GABBR2: variants seen among roughly 807,000 people sequenced by gnomAD.
GABBR2 encodes G-protein coupled receptor 51.
A neutral mutation model predicts 105.6 loss-of-function variants in GABBR2; 23 were observed. The observed-to-expected ratio is 0.22, with a 90% confidence interval of 0.16 to 0.31. The LOEUF is 0.31. GABBR2 is among the 10% of genes least tolerant of loss of function. GABBR2 has a pLI of 1.00. For synonymous variants in GABBR2, 478 were observed against 499.7 expected (o/e 0.96, Z 0.58); for missense variants, 734 against 1,245.5 (o/e 0.59, Z 6.18).
Position 98,677,743 on chromosome 9 carries a change from C to T in GABBR2, c.321+30674G>A, listed in dbSNP as rs368410589. ...GTCCTACGGGCCCTCTTATTGTTCT[C>T]AAACTCCTCAAGTACACTAGCCTCA... On this transcript the variant is annotated intron_variant, in intron 1 of 18. Transcript: ENST00000259455. Among the ~76,000 whole-genome samples the T allele has an allele frequency of 1.4e-3, 217 of 152,206 alleles. 1 individual carries two copies. Among genetic ancestry groups the T allele is most frequent in the African/African-American group, 5.1e-3 (212 of 41,522 alleles).
intron 1 of GABBR2, among the ~76,000 whole-genome samples, chr9:98,589,065 C>T (rs1161575021): frequency 1.3e-5 from 2 of 152,148 alleles, no homozygotes; most frequent in Non-Finnish European, 2.9e-5. Flanking sequence ...CTTCCCAGAC[C>T]CCACCAACCA....
chr9:98,315,036 A>G (rs1289042622), intron 13 of GABBR2, among the ~76,000 whole-genome samples: 1 of 152,196 alleles, frequency 6.6e-6, no homozygotes, highest in Non-Finnish European at 1.5e-5. Flanking sequence ...AACTGCTGCT[A>G]GCCCAGTCTT....
chr9:98,600,912 A>C (rs578179049), intron 1 of GABBR2, among the ~76,000 whole-genome samples: 26 of 152,324 alleles, frequency 1.7e-4, no homozygotes, highest in African/African-American at 6.3e-4. Context: ...TGATCTCCCT[A>C]AAATGAAAAG....
chr9:98,528,950 A>G (rs796668493), intron 3 of GABBR2, among the ~76,000 whole-genome samples: 10 of 151,460 alleles, frequency 6.6e-5, no homozygotes, highest in African/African-American at 2.0e-4. Context: ...CCACAAAAGT[A>G]CAAGTATGAG....
intron 13 of GABBR2, among the ~76,000 whole-genome samples, chr9:98,330,026 G>C (rs756786005): frequency 2.6e-5 from 4 of 152,132 alleles, no homozygotes; most frequent in Non-Finnish European, 5.9e-5. Context: ...CTGACAACCA[G>C]AGTAGGCGTT....
chr9:98,532,175 C>A (rs1181963752), intron 3 of GABBR2, among the ~76,000 whole-genome samples: 3 of 152,254 alleles, frequency 2.0e-5, no homozygotes, highest in Admixed American at 2.0e-4. Flanking sequence ...TTAAACCATT[C>A]TCTGGGAAAT....
At chr9:98,665,923 T>G (rs1300344240) in intron 1 of GABBR2, among the ~76,000 whole-genome samples, 1 of 152,234 alleles carries the variant, frequency 6.6e-6, no homozygotes, top group African/African-American at 2.4e-5. Flanking sequence ...TTGACTGTAA[T>G]CTACACCTAT....
chr9:98,364,014 C>T (rs1021915826), intron 12 of GABBR2, among the ~76,000 whole-genome samples: 1 of 152,124 alleles, frequency 6.6e-6, no homozygotes, highest in Admixed American at 6.5e-5. Context: ...ACGATTAAAG[C>T]CATTTTTAAA....
chr9:98,321,705 G>A (rs1830825078), intron 13 of GABBR2, among the ~76,000 whole-genome samples: 1 of 152,212 alleles, frequency 6.6e-6, no homozygotes, highest in African/African-American at 2.4e-5. Context: ...TGGTCCCTCA[G>A]ACATGGCATG....
At chr9:98,496,247 A>G (rs975416607) in intron 4 of GABBR2, among the ~76,000 whole-genome samples, 166 bp downstream of exon 4, 4 of 152,204 alleles carry the variant, frequency 2.6e-5, no homozygotes, top group African/African-American at 9.6e-5. Context: ...CAAGGAAGGG[A>G]AAGCCAAGGG....
intron 1 of GABBR2, among the ~76,000 whole-genome samples, chr9:98,659,773 G>A (rs530806204): frequency 9.9e-5 from 15 of 151,366 alleles, no homozygotes; most frequent in African/African-American, 2.7e-4. Context: ...CGCCCACCTC[G>A]GTCTCCCAAA....
intron 1 of GABBR2, among the ~76,000 whole-genome samples, chr9:98,618,513 TC>T (rs1373668814): frequency 6.6e-6 from 1 of 151,720 alleles, no homozygotes; most frequent in Non-Finnish European, 1.5e-5. Context: ...TCTCTCTCTC[TC>T]TCTCTCTGTC....
chr9:98,598,184 C>T (rs1171606520), intron 1 of GABBR2, among the ~76,000 whole-genome samples: 1 of 152,162 alleles, frequency 6.6e-6, no homozygotes, highest in Non-Finnish European at 1.5e-5. Context: ...ACAACATCCA[C>T]CTGAAAAATT....
chr9:98,346,789 G>GA (rs1554693148), intron 13 of GABBR2, among the ~76,000 whole-genome samples: 1 of 150,924 alleles, frequency 6.6e-6, no homozygotes, highest in Non-Finnish European at 1.5e-5. Context: ...CATGAGCTCA[G>GA]TTTTTTTTTC....
chr9:98,300,789 A>C (rs886859181), intron 16 of GABBR2, among the ~76,000 whole-genome samples: 32 of 152,184 alleles, frequency 2.1e-4, no homozygotes, highest in Admixed American at 5.2e-4. Flanking sequence ...ACAGAGAGAA[A>C]GTCTTGCCCC....
intron 1 of GABBR2, among the ~76,000 whole-genome samples, chr9:98,706,498 T>C (rs192517498): frequency 3.3e-5 from 5 of 152,348 alleles, no homozygotes; most frequent in African/African-American, 9.6e-5. Flanking sequence ...TTGAAGAGTC[T>C]TCTGACTGTC....
chr9:98,395,522 G>C (rs1832272847), intron 8 of GABBR2, among the ~76,000 whole-genome samples: 1 of 152,082 alleles, frequency 6.6e-6, no homozygotes, highest in African/African-American at 2.4e-5. Context: ...AGAGGATCAA[G>C]TGCAGACTCT....
chr9:98,389,163 C>A (rs1246163540), intron 9 of GABBR2, among the ~76,000 whole-genome samples, 159 bp from the exon 10 acceptor site: 1 of 152,226 alleles, frequency 6.6e-6, no homozygotes. Flanking sequence ...GTTGGCCAGT[C>A]TGCTCAACAG....
chr9:98,527,350 T>C (rs1178039766), intron 3 of GABBR2, among the ~76,000 whole-genome samples: 1 of 151,926 alleles, frequency 6.6e-6, no homozygotes, highest in East Asian at 1.9e-4. Flanking sequence ...CATTTACCAC[T>C]ATGCAGTACC....
Sources: allele counts gnomAD v4.1 joint callset (sites outside exome capture counted in the v4.1 genomes callset), GRCh38; gene constraint gnomAD v4.1.1; transcripts MANE v1.5; gene names NCBI Gene and HGNC (gene_info 2026-07-23, HGNC 2026-07-21).